Variants in MED23 observed in about 807,000 individuals in gnomAD.
MED23 encodes mediator complex subunit 23.
In MED23, 105 loss-of-function variants were observed where a neutral mutation model predicts 163.9. The observed-to-expected ratio is 0.64, with a 90% CI of 0.55 to 0.75. MED23 has a LOEUF of 0.75. Among genes scored for constraint, MED23 ranks in the 30% least tolerant of loss-of-function variants. The pLI is 0.00. For missense variants in MED23, 1,054 were observed against 1,649.0 expected, an observed-to-expected ratio of 0.64 and a Z score of 6.25; for synonymous variants, 561 against 565.6, an observed-to-expected ratio of 0.99 and a Z score of 0.12.
intron 5 of MED23, 137 bp from the exon 6 acceptor site, chr6:131,622,116 C>A: frequency 1.6e-6 from 1 of 616,932 alleles, no homozygotes; most frequent in Non-Finnish European, 2.9e-6. Flanking sequence ...ATCTAAGTCC[C>A]TAACATTAAC....
At chr6:131,601,107 AC>A (rs1323618488) in intron 17 of MED23, among the ~76,000 whole-genome samples, 1 of 152,110 alleles carries the variant, frequency 6.6e-6, no homozygotes, top group Non-Finnish European at 1.5e-5. Flanking sequence ...AGCTAGACTT[AC>A]GTATTTAGCA....
At chr6:131,627,187 G>GT in intron 3 of MED23, 1 of 582,168 alleles carries the variant, frequency 1.7e-6, no homozygotes, top group Non-Finnish European at 3.0e-6. Context: ...ACACTGTGCA[G>GT]TATCAACTTG....
rs910089039 is a variant in MED23 at position 131,598,252 on chromosome 6, T to G, written c.2607+35A>C. 3.2e-6 allele frequency: 5 copies of G among 1,585,928 alleles called. No homozygotes were observed. The highest frequency in any genetic ancestry group is 1.3e-5 in the African/African-American group (1 of 74,310). On this transcript the variant is annotated intron_variant, in intron 20 of 28. Coordinates refer to ENST00000368068, the MANE Select transcript of MED23 (RefSeq NM_004830.4). This position sits in a 1 kb window ranked among gnomAD's most constrained non-coding sequence, Gnocchi z 4.7. ...CATATATTAGTCATACATCTTGATC[T>G]AAGAGAATAAGCTTAGAAATGTATT... is the stretch of plus-strand genomic sequence containing the variant.
intron 11 of MED23, among the ~76,000 whole-genome samples, chr6:131,609,739 T>C (rs1776138779): frequency 7.0e-6 from 1 of 143,464 alleles, no homozygotes; most frequent in East Asian, 2.0e-4. Context: ...CATACATATA[T>C]ATATATGTAT....
chr6:131,627,949 G>A, intron 1 of MED23, 62 bp downstream of exon 1: 1 of 1,607,632 alleles, frequency 6.2e-7, no homozygotes. Context: ...TTCCTTGGTC[G>A]GCTGCCCCCG....
intron 18 of MED23, among the ~76,000 whole-genome samples, chr6:131,599,667 A>G (rs1775320561): frequency 6.6e-6 from 1 of 151,986 alleles, no homozygotes; most frequent in East Asian, 1.9e-4. Context: ...ATGAAACCAT[A>G]ATAATTAAAT....
In MED23 at chr6:131,618,429, T is replaced by G. The variant is rs1468683773; in HGVS notation, c.758A>C (p.Lys253Thr). Residue 253 changes from lysine (K) to threonine (T), a missense_variant, in exon 9 of 29, where the codon AAA (lysine) becomes ACA (threonine). Physicochemically the swap from Lys to Thr is moderately conservative, Grantham distance 78 (BLOSUM62 -1). Around this residue, in one of 11 missense-constraint regions of MED23, gnomAD observed 54 missense variants for 79.7 expected, o/e 0.68. Coordinates refer to ENST00000368068, the MANE Select transcript of MED23 (RefSeq NM_004830.4). ...TACCTTATCATATGGCAAAAGGCCT[T>G]TCAAAGGAAAACGAAGAGTAGCAGG... ...LDPATLRFPL[K>T]GLLPYDKDLF... 1 of 1,613,840 alleles carries G rather than the reference T, an allele frequency of 6.2e-7. No individual in the cohort carries two copies. Among genetic ancestry groups the G allele is most frequent in the Admixed American group, 1.7e-5 (1 of 59,974 alleles).
rs534098073 is a variant in MED23, at chr6:131,628,155, A to AATAT, written c.-107_-106insATAT. On this transcript the variant is annotated 5_prime_UTR_variant, in exon 1 of 29. Transcript: ENST00000368068. ...GGCGGAGACCTCTGGAGGAAACCGT[A>AATAT]GCTCCTCGGCGTCGCTTCCTCCCCC... 2,132 of 1,349,548 alleles carry AATAT rather than the reference A, an allele frequency of 1.6e-3. 5 individuals carry two copies. The highest frequency in any genetic ancestry group is 1.9e-3 in the Non-Finnish European group (1,818 of 948,648). 83.6% of individuals were successfully genotyped at this position (1,349,548 alleles called of 1,614,324 possible). A position where few individuals can be genotyped will look rare whatever the true frequency, so the allele number is the denominator to read the frequency against.
chr6:131,615,214 C>A, intron 10 of MED23: 1 of 1,273,482 alleles, frequency 7.9e-7, no homozygotes, highest in South Asian at 1.3e-5. Context: ...TCAGCATGGT[C>A]CTGCCAATTT....
At chr6:131,593,284 T>C in intron 23 of MED23, 113 bp from the exon 24 acceptor site, 1 of 1,259,896 alleles carries the variant, frequency 7.9e-7, no homozygotes, top group South Asian at 1.3e-5. Flanking sequence ...AAGAGGCAAA[T>C]GCAAACCAAA....
Position 131,587,130 on chromosome 6 carries a change from AAT to A in MED23, c.*547_*548del. The A allele has an allele frequency of 8.1e-7, 1 of 1,236,140 alleles. No individual in the cohort carries two copies. Among genetic ancestry groups the A allele is most frequent in the Non-Finnish European group, 1.0e-6 (1 of 980,228 alleles). The allele number at this position is 1,236,140 out of a possible 1,614,324, so 76.6% of individuals were successfully genotyped here. A position where few individuals can be genotyped will look rare whatever the true frequency, so the allele number is the denominator to read the frequency against. On this transcript the variant is annotated 3_prime_UTR_variant, in exon 29 of 29. Coordinates refer to ENST00000368068, the MANE Select transcript of MED23 (RefSeq NM_004830.4). ...CTTGATAGAAACTATGGAAATTTAT[AAT>A]AAAATTTCAAGTCATTTTAAAAAGA...
Position 131,621,942 on chromosome 6 carries a change from A to G in MED23, c.434T>C (p.Ile145Thr). 2 of 1,613,838 alleles carry G rather than the reference A, an allele frequency of 1.2e-6. No individual in the cohort carries two copies. The highest frequency in any genetic ancestry group is 1.1e-5 in the South Asian group (1 of 91,074). The change falls in exon 6 of 29, where the codon ATT (isoleucine) becomes ACT (threonine). Residue 145 changes from isoleucine (I) to threonine (T), a missense_variant. By Grantham distance (89) the Ile-to-Thr change is moderately conservative (BLOSUM62 -1). Transcript: ENST00000368068. ...RDLLKVILEKILTIPNTVSSA... is the reference protein window; with the variant it reads ...RDLLKVILEKTLTIPNTVSSA... ...GCTCACTGTATTAGGAATTGTCAAAATCTTCTCCAAAATCACTTTTAAGAG... is the reference window on the plus strand; with the variant it reads ...GCTCACTGTATTAGGAATTGTCAAAGTCTTCTCCAAAATCACTTTTAAGAG...
At chr6:131,581,934 A>T (rs1299408785), downstream of MED23, among the ~76,000 whole-genome samples, 3 of 152,264 alleles carry the variant, frequency 2.0e-5, no homozygotes, top group Admixed American at 1.3e-4. Flanking sequence ...CTTTTCTAAA[A>T]GATGGAAAAT....
At chr6:131,591,260 G>A in intron 26 of MED23, 53 bp downstream of exon 26, 1 of 1,409,062 alleles carries the variant, frequency 7.1e-7, no homozygotes, top group South Asian at 1.2e-5. Flanking sequence ...TTACAGGCAT[G>A]AACCACCGCA....
At position 131,587,752 on chromosome 6, in the gene MED23, G is replaced by T. The variant is rs777837098; in HGVS notation, c.4034C>A (p.Pro1345Gln). The T allele has an allele frequency of 6.2e-7, 1 of 1,614,138 alleles. No homozygotes were observed. Among genetic ancestry groups the T allele is most frequent in the Non-Finnish European group, 8.5e-7 (1 of 1,179,998 alleles). Residue 1345 changes from proline to glutamine, a missense_variant, in exon 29 of 29, where the codon CCA becomes CAA. Pro to Gln is a moderately conservative substitution (Grantham distance 76). Coordinates refer to ENST00000368068, the MANE Select transcript of MED23 (RefSeq NM_004830.4). ...ISKMEPAAVP[P>Q]QAMNSGSPAP... ...TGGAGACCCACTGTTCATGGCTTGT[G>T]GAGGCACTGCAGCTGGCTCCATCTT...
At chr6:131,621,056 C>A (rs1182904481) in intron 6 of MED23, among the ~76,000 whole-genome samples, 2 of 152,148 alleles carry the variant, frequency 1.3e-5, no homozygotes, top group Admixed American at 6.5e-5. Flanking sequence ...CCCGCCTTGG[C>A]CTCCCAAAGC....
intron 30 of MED23, chr6:131,581,116 A>C: frequency 8.9e-7 from 1 of 1,126,494 alleles, no homozygotes; most frequent in Non-Finnish European, 1.3e-6. Context: ...AATATCAGAC[A>C]CTGTGACTCA....
At chr6:131,608,160 TAAGGA>T in intron 11 of MED23, 89 bp from the exon 12 acceptor site, 1 of 1,437,880 alleles carries the variant, frequency 7.0e-7, no homozygotes. Flanking sequence ...TTTTTGTTTT[TAAGGA>T]GAAACCTGGT....
At chr6:131,610,659 A>G (rs1776216854) in intron 10 of MED23, among the ~76,000 whole-genome samples, 1 of 152,242 alleles carries the variant, frequency 6.6e-6, no homozygotes, top group East Asian at 1.9e-4. Flanking sequence ...ACAGGCATCA[A>G]ACATTGTGAC....
Sources: gnomAD v4.1 joint callset for allele counts (sites outside exome capture counted in the v4.1 genomes callset) on GRCh38, gnomAD v4.1.1 for gene constraint, gnomAD v4.1.1 regional missense constraint, Gnocchi (gnomAD v3.1) non-coding constraint, MANE v1.5 for transcripts, NCBI Gene and HGNC (gene_info 2026-07-23, HGNC 2026-07-21) for gene names.